Variants in APOL4 observed in about 807,000 individuals in gnomAD.
APOL4 encodes the protein apolipoprotein L4.
APOL4 carries 14 observed loss-of-function variants against 12.1 expected under a neutral mutation model. The observed-to-expected ratio is 1.16, with a 90% CI of 0.76 to 1.81. APOL4 has a LOEUF of 1.81. APOL4 is among the 40% of genes most tolerant of loss of function. The probability of loss-of-function intolerance (pLI) is 0.00; values close to 1 mark genes in which losing one functional copy is unlikely to be tolerated. For synonymous variants in APOL4, 171 were observed against 160.6 expected, an observed-to-expected ratio of 1.06 and a Z score of -0.49; for missense variants, 432 against 423.1, an observed-to-expected ratio of 1.02 and a Z score of -0.18.
intron 1 of APOL4, 54 bp from the exon 2 acceptor site, chr22:36,199,430 A>G: frequency 1.2e-6 from 2 of 1,613,552 alleles, no homozygotes; most frequent in Non-Finnish European, 1.7e-6. Flanking sequence ...CTATGGGCAA[A>G]GGGAGGCTTG....
rs574261305 is a variant in APOL4, at chr22:36,197,147, G to A, written c.83-1710C>T. ...GTTTCAGAGGGAGAGCTTCTTCCTT[G>A]GCCGCCCAGCCCAGCCCTTCCTAAG... On this transcript the variant is annotated intron_variant, in intron 2 of 3. Transcript: ENST00000683024. Among the ~76,000 whole-genome samples, 1,313 of 152,240 alleles carry A rather than the reference G, an allele frequency of 8.6e-3. 20 individuals are homozygous for A. Among genetic ancestry groups the A allele is most frequent in the African/African-American group, 0.03 (1,257 of 41,524 alleles).
At position 36,197,781 on chromosome 22, in the gene APOL4, G is replaced by C. The variant is rs904041393; in HGVS notation, c.82+1549C>G. 4 of 1,550,354 alleles carry C rather than the reference G, an allele frequency of 2.6e-6. No homozygotes were observed. In the South Asian group the frequency reaches 3.6e-5, roughly 14 times the overall value. ...GGTTCACATAATGGACACAGAAGGA[G>C]CTGCTGTAACCAGCTGTAGGGACAG... On this transcript the variant is annotated intron_variant, in intron 2 of 3. Transcript: ENST00000683024.
At chr22:36,195,261 C>T in intron 3 of APOL4, 50 bp downstream of exon 3, 1 of 1,589,098 alleles carries the variant, frequency 6.3e-7, no homozygotes, top group Non-Finnish European at 8.6e-7. Flanking sequence ...CCGGGGAGAT[C>T]TGGGTGGCAT....
intron 3 of APOL4, among the ~76,000 whole-genome samples, chr22:36,193,329 C>T (rs913141027): frequency 1.3e-5 from 2 of 152,184 alleles, no homozygotes; most frequent in African/African-American, 2.4e-5. Context: ...TGAATAAAGG[C>T]TTCCTTCCTG....
intron 2 of APOL4, chr22:36,197,680 G>C (rs1358924922): frequency 1.3e-6 from 2 of 1,550,386 alleles, no homozygotes; most frequent in Admixed American, 3.9e-5. Flanking sequence ...CCAGTCATGA[G>C]CAGCCAGCTG....
At chr22:36,202,131 C>T (rs139952116), upstream of APOL4, 90 of 1,599,782 alleles carry the variant, frequency 5.6e-5, 1 homozygote, top group South Asian at 1.9e-4. Flanking sequence ...TTTTAATAAA[C>T]CGTTTTGCTG....
chr22:36,196,433 C>A (rs1457488996), intron 2 of APOL4, among the ~76,000 whole-genome samples: 1 of 152,184 alleles, frequency 6.6e-6, no homozygotes, highest in African/African-American at 2.4e-5. Flanking sequence ...TGACCACTCC[C>A]AGCAGGGACT....
rs1357136137 is a variant in APOL4 at position 36,191,326 on chromosome 22, T to C, written c.796A>G (p.Ile266Val). 1.2e-6 allele frequency: 2 copies of C among 1,614,078 alleles called. No homozygotes were observed. The highest frequency in any genetic ancestry group is 1.7e-6 in the Non-Finnish European group (2 of 1,179,904). Reference sequence around the variant, plus strand: ...GTTCTCAGTGTCTCAACAACATTTATAGGTACATATCGCCAAGCAATCAAA... The same window carrying C: ...GTTCTCAGTGTCTCAACAACATTTACAGGTACATATCGCCAAGCAATCAAA... Reference protein sequence around the residue: ...RPLIAWRYVPINVVETLRTRG... With the variant: ...RPLIAWRYVPVNVVETLRTRG... The change falls in exon 4 of 4, where the codon ATA (isoleucine) becomes GTA (valine). Residue 266 changes from isoleucine to valine, a missense_variant. Physicochemically the swap from Ile to Val is conservative, Grantham distance 29. Coordinates refer to ENST00000683024, the MANE Select transcript of APOL4 (RefSeq NM_001386885.1).
At chr22:36,200,667 G>A (rs981701628) in intron 1 of APOL4, among the ~76,000 whole-genome samples, 1 of 152,226 alleles carries the variant, frequency 6.6e-6, no homozygotes, top group Non-Finnish European at 1.5e-5. Flanking sequence ...TGTAGGAGTA[G>A]AATGACTAGG....
chr22:36,191,475 C>G lies in APOL4; in HGVS notation c.647G>C (p.Arg216Thr). The G allele has an allele frequency of 3.1e-6, 5 of 1,614,072 alleles. No individual in the cohort carries two copies. Among genetic ancestry groups the G allele is most frequent in the Non-Finnish European group, 4.2e-6 (5 of 1,179,902 alleles). ...GGGTGTGATGTCACGCAGAATGTCC[C>G]TTAATGCCTCCAATTGGTCAGTGCT... The part of the protein sequence containing the change: ...ATSTDQLEAL[R>T]DILRDITPNV... Residue 216 changes from arginine to threonine, a missense_variant, in exon 4 of 4, where the codon AGG (arginine) becomes ACG (threonine). Coordinates refer to ENST00000683024, the MANE Select transcript of APOL4 (RefSeq NM_001386885.1).
At chr22:36,192,273 G>T (rs1370462867) in intron 3 of APOL4, among the ~76,000 whole-genome samples, 1 of 152,158 alleles carries the variant, frequency 6.6e-6, no homozygotes, top group East Asian at 1.9e-4. Flanking sequence ...CCAGGAGGTG[G>T]AGCTTGCAGT....
rs1044415755 is a variant in APOL4, at chr22:36,197,472, G to T, written c.82+1858C>A. Reference sequence around the variant, plus strand: ...AGGGAACCTCCAGCACTAAATTTGTGTTTTATTGATGGGGTGGGGATGGTG... The same window carrying T: ...AGGGAACCTCCAGCACTAAATTTGTTTTTTATTGATGGGGTGGGGATGGTG... On this transcript the variant is annotated intron_variant, in intron 2 of 3. Transcript: ENST00000683024. The T allele has an allele frequency of 4.0e-6, 4 of 992,926 alleles. No individual in the cohort carries two copies. In the South Asian group the frequency reaches 1.1e-4, roughly 28 times the overall value. The allele number at this position is 992,926 out of a possible 1,614,324, so 61.5% of individuals were successfully genotyped here. A position where few individuals can be genotyped will look rare whatever the true frequency, so the allele number is the denominator to read the frequency against.
At position 36,195,278 on chromosome 22, in the gene APOL4, G is replaced by A. The variant is rs559028869; in HGVS notation, c.209+33C>T. 20 of 1,602,636 alleles carry A rather than the reference G, an allele frequency of 1.2e-5. No individual in the cohort carries two copies. In the East Asian group the frequency reaches 3.8e-4, roughly 31 times the overall value. On this transcript the variant is annotated intron_variant, in intron 3 of 3. Transcript: ENST00000683024. The stretch of plus-strand genomic sequence containing the variant: ...GGGGAGATCTGGGTGGCATCACCGG[G>A]GTGCCCCAAGGAGGTAACCCCATGG...
At chr22:36,196,760 C>G (rs915494564) in intron 2 of APOL4, among the ~76,000 whole-genome samples, 26 of 152,196 alleles carry the variant, frequency 1.7e-4, no homozygotes, top group Non-Finnish European at 8.8e-5. Flanking sequence ...CAGCGAGAGA[C>G]ACCACCCAAC....
chr22:36,193,298 C>T (rs561861054), intron 3 of APOL4, among the ~76,000 whole-genome samples: 5 of 152,258 alleles, frequency 3.3e-5, no homozygotes, highest in South Asian at 2.1e-4. Context: ...GCTCAGTCTC[C>T]CTCCCCTGTA....
intron 3 of APOL4, among the ~76,000 whole-genome samples, chr22:36,192,332 T>G (rs1314646754): frequency 6.6e-6 from 1 of 152,148 alleles, no homozygotes; most frequent in Non-Finnish European, 1.5e-5. Flanking sequence ...AGAGCGAGAC[T>G]CCATCTCAAA....
At chr22:36,199,693 G>A in intron 1 of APOL4, 1 of 1,516,032 alleles carries the variant, frequency 6.6e-7, no homozygotes, top group Non-Finnish European at 8.9e-7. Flanking sequence ...CGCAGAAATA[G>A]AGATGGGAAG....
chr22:36,200,999 AG>A (rs1446220245), intron 1 of APOL4, among the ~76,000 whole-genome samples: 1 of 152,190 alleles, frequency 6.6e-6, no homozygotes, highest in Non-Finnish European at 1.5e-5. Flanking sequence ...GGTACAACTG[AG>A]GGTATAAGAA....
At chr22:36,203,716 T>C (rs144600992), upstream of APOL4, among the ~76,000 whole-genome samples, 226 of 152,324 alleles carry the variant, frequency 1.5e-3, no homozygotes, top group African/African-American at 5.0e-3. Context: ...ATAGCATTTA[T>C]AGCCCTAGCT....
Sources: allele counts gnomAD v4.1 joint callset (sites outside exome capture counted in the v4.1 genomes callset), GRCh38; gene constraint gnomAD v4.1.1; transcripts MANE v1.5; gene names NCBI Gene and HGNC (gene_info 2026-07-23, HGNC 2026-07-21).